The following KLF12 variants were observed in gnomAD, a reference collection of about 807,000 sequenced individuals.
KLF12 encodes the protein KLF transcription factor 12, also known as Krueppel-like factor 12.
KLF12 carries 9 observed loss-of-function variants against 37.8 expected under a neutral mutation model. That is an observed-to-expected ratio of 0.24 (90% CI 0.14 to 0.42). KLF12 has a LOEUF of 0.42. KLF12 is among the 10% of genes least tolerant of loss of function. The pLI, the probability that KLF12 is intolerant of heterozygous loss-of-function variation, is 1.00. For missense variants in KLF12, 411 were observed against 516.0 expected (o/e 0.80, Z 1.97); for synonymous variants, 208 against 202.1 (o/e 1.03, Z -0.25).
chr13:73,827,137 T>G (rs1883892961), intron 4 of KLF12, among the ~76,000 whole-genome samples: 1 of 152,236 alleles, frequency 6.6e-6, no homozygotes, highest in African/African-American at 2.4e-5. Context: ...TTGAGATTTA[T>G]TCATACTCTT....
chr13:73,824,865 C>T (rs1236470751), intron 4 of KLF12, among the ~76,000 whole-genome samples: 8 of 152,030 alleles, frequency 5.3e-5, no homozygotes, highest in South Asian at 4.1e-4. Flanking sequence ...ATCAGGAGCT[C>T]GAGACCAGCC....
intron 5 of KLF12, among the ~76,000 whole-genome samples, chr13:73,793,587 T>C (rs1881807391): frequency 6.6e-6 from 1 of 152,242 alleles, no homozygotes; most frequent in Non-Finnish European, 1.5e-5. Flanking sequence ...TTAAGACTCC[T>C]TTCCAGTACA....
intron 1 of KLF12, among the ~76,000 whole-genome samples, chr13:74,118,047 C>CAGT (rs1366587842): frequency 2.0e-5 from 3 of 151,868 alleles, no homozygotes; most frequent in Admixed American, 2.0e-4. Flanking sequence ...CATGGTAATT[C>CAGT]TACTAAGTGT....
the KLF12 span, among the ~76,000 whole-genome samples, chr13:74,245,447 A>G: frequency 6.6e-6 from 1 of 152,154 alleles, no homozygotes; most frequent in Non-Finnish European, 1.5e-5. Flanking sequence ...AAATTGTTGC[A>G]TGGAAAAATG....
chr13:73,898,009 G>A (rs1417180033), intron 3 of KLF12, among the ~76,000 whole-genome samples: 1 of 152,014 alleles, frequency 6.6e-6, no homozygotes, highest in Admixed American at 6.6e-5. Context: ...TCATGCAGGG[G>A]TCCTTGTAAA....
At chr13:73,711,722 C>T (rs1189440865) in intron 7 of KLF12, among the ~76,000 whole-genome samples, 1 of 152,212 alleles carries the variant, frequency 6.6e-6, no homozygotes, top group Non-Finnish European at 1.5e-5. Context: ...TGCCTGCTAA[C>T]ACAACATGCA....
intron 1 of KLF12, among the ~76,000 whole-genome samples, chr13:74,068,359 G>A (rs1283175390): frequency 6.6e-6 from 1 of 152,000 alleles, no homozygotes; most frequent in Admixed American, 6.5e-5. Context: ...GAAAAAATAA[G>A]AAATATCTTC....
At position 74,133,810 on chromosome 13, in the gene KLF12, TTC is replaced by T. The variant is rs922971065; in HGVS notation, c.-105_-104del. Among the ~76,000 whole-genome samples the T allele has an allele frequency of 9.2e-5, 12 of 130,490 alleles. No homozygotes were observed. The highest frequency in any genetic ancestry group is 1.7e-4 in the Non-Finnish European group (10 of 60,400). The allele number at this position is 130,490 out of a possible 152,430, so 85.6% of individuals were successfully genotyped here. ...ACAGAGTCCCCCTCTCTCTCTCCCTTTCTCTCTCTCACACGCGCGCGCGCACA... is the reference window on the plus strand; with the variant it reads ...ACAGAGTCCCCCTCTCTCTCTCCCTTTCTCTCTCACACGCGCGCGCGCACA... On this transcript the variant is annotated 5_prime_UTR_variant, in exon 1 of 8. Coordinates refer to ENST00000377669, the MANE Select transcript of KLF12 (RefSeq NM_007249.5).
intron 5 of KLF12, among the ~76,000 whole-genome samples, chr13:73,797,380 T>C (rs752351537): frequency 2.6e-5 from 4 of 152,194 alleles, no homozygotes; most frequent in Non-Finnish European, 5.9e-5. Flanking sequence ...TCTTATTCTT[T>C]AGAGTTTAGT....
chr13:73,854,033 AAAC>A (rs1475918952), intron 3 of KLF12, among the ~76,000 whole-genome samples: 1 of 152,226 alleles, frequency 6.6e-6, no homozygotes, highest in Non-Finnish European at 1.5e-5. Flanking sequence ...AATTGTTTTT[AAAC>A]AACATTTCAC....
At chr13:73,949,266 T>C (rs1175579362) in intron 2 of KLF12, among the ~76,000 whole-genome samples, 1 of 152,162 alleles carries the variant, frequency 6.6e-6, no homozygotes, top group Non-Finnish European at 1.5e-5. Flanking sequence ...ATGAACACCT[T>C]ATTGAAGGTC....
chr13:74,117,211 G>T (rs1201267690), intron 1 of KLF12, among the ~76,000 whole-genome samples: 1 of 152,154 alleles, frequency 6.6e-6, no homozygotes, highest in Admixed American at 6.5e-5. Context: ...ATTCTACAAT[G>T]AAATGAGAGA....
Position 73,805,610 on chromosome 13 carries a change from AAGGGAGGGAGGG to A in KLF12, c.806+7530_806+7541del, listed in dbSNP as rs1175434136. Reference sequence around the variant, plus strand: ...GGGCAACAGAGGCACTGTCAGAAGGAAGGGAGGGAGGGAGGGAGGGAGGGAGGGAGGGAGGGA... The same window carrying A: ...GGGCAACAGAGGCACTGTCAGAAGGAAGGGAGGGAGGGAGGGAGGGAGGGA... On this transcript the variant is annotated intron_variant, in intron 5 of 7. Transcript: ENST00000377669. 1.6e-3 allele frequency among the ~76,000 whole-genome samples: 107 copies of A among 67,022 alleles called. 2 individuals are homozygous for A. Among genetic ancestry groups the A allele is most frequent in the African/African-American group, 3.8e-3 (58 of 15,070 alleles). The allele number at this position is 67,022 out of a possible 152,430, so 44.0% of individuals were successfully genotyped here.
intron 1 of KLF12, among the ~76,000 whole-genome samples, chr13:74,112,920 A>G (rs963055358): frequency 5.9e-5 from 9 of 152,200 alleles, no homozygotes; most frequent in Non-Finnish European, 1.3e-4. Flanking sequence ...AAAGTTCCAG[A>G]AGAAAATTGA....
At position 74,042,779 on chromosome 13, in the gene KLF12, TTCAGAGAACAGGAAC is replaced by T. The variant is rs1401217416; in HGVS notation, c.-31-47741_-31-47727del. Among the ~76,000 whole-genome samples the T allele has an allele frequency of 6.6e-5, 10 of 152,312 alleles. No homozygotes were observed. In the South Asian group the frequency reaches 1.9e-3, roughly 28 times the overall value. ...TCAATCAGACAGATAAGATCTATGC[TTCAGAGAACAGGAAC>T]TCATAAAGCTTTTAAATGAATACGA... On this transcript the variant is annotated intron_variant, in intron 1 of 7. Transcript: ENST00000377669.
chr13:74,186,484 A>G, the KLF12 span, among the ~76,000 whole-genome samples: 2 of 152,032 alleles, frequency 1.3e-5, no homozygotes, highest in Non-Finnish European at 2.9e-5. Context: ...GTTGGGTACA[A>G]ATGGCTGGAA....
At chr13:74,039,409 C>T (rs961928462) in intron 1 of KLF12, among the ~76,000 whole-genome samples, 9 of 151,536 alleles carry the variant, frequency 5.9e-5, no homozygotes, top group African/African-American at 1.9e-4. Context: ...GGCATATGCC[C>T]GTAGTCCCAG....
At chr13:74,124,630 T>C (rs1256640344) in intron 1 of KLF12, among the ~76,000 whole-genome samples, 1 of 152,150 alleles carries the variant, frequency 6.6e-6, no homozygotes. Context: ...AAATAAACCA[T>C]CTGTAAACTC....
intron 7 of KLF12, among the ~76,000 whole-genome samples, chr13:73,706,121 C>G (rs554959784): frequency 1.3e-5 from 2 of 152,238 alleles, no homozygotes; most frequent in African/African-American, 2.4e-5. Context: ...CACTGTACTC[C>G]TCTAGCCTGG....
Sources: gnomAD v4.1 joint callset for allele counts (sites outside exome capture counted in the v4.1 genomes callset) on GRCh38, gnomAD v4.1.1 for gene constraint, MANE v1.5 for transcripts, NCBI Gene and HGNC (gene_info 2026-07-23, HGNC 2026-07-21) for gene names.